Variants in CNTN4 observed in about 807,000 individuals in gnomAD.
CNTN4 encodes contactin 4.
A neutral mutation model predicts 122.5 loss-of-function variants in CNTN4; 77 were observed. The ratio of observed to expected loss-of-function variants is 0.63; its 90% confidence interval spans 0.52 to 0.76. The LOEUF is 0.76. Among genes scored for constraint, CNTN4 ranks in the 30% least tolerant of loss-of-function variants. The pLI is 0.00. For missense variants in CNTN4, 1,256 were observed against 1,259.1 expected, an observed-to-expected ratio of 1.00 and a Z score of 0.04; for synonymous variants, 512 against 447.0, an observed-to-expected ratio of 1.15 and a Z score of -1.83.
chr3:2,574,441 C>A (rs999300601), intron 4 of CNTN4, among the ~76,000 whole-genome samples: 1 of 152,060 alleles, frequency 6.6e-6, no homozygotes, highest in African/African-American at 2.4e-5. Context: ...TACAAGCAGG[C>A]TCATCCTGCA....
At chr3:2,218,182 G>A (rs2038924307) in intron 2 of CNTN4, among the ~76,000 whole-genome samples, 2 of 152,054 alleles carry the variant, frequency 1.3e-5, no homozygotes, top group East Asian at 3.9e-4. Flanking sequence ...TTTTTATGGT[G>A]GAGTCAAAGG....
At chr3:2,926,579 G>T (rs937860738) in intron 13 of CNTN4, among the ~76,000 whole-genome samples, 2 of 152,082 alleles carry the variant, frequency 1.3e-5, no homozygotes, top group Admixed American at 6.5e-5. Context: ...GACAGGATTT[G>T]CCAGCTGTAT....
At chr3:2,562,273 G>T (rs1247719973) in intron 3 of CNTN4, among the ~76,000 whole-genome samples, 4 of 152,092 alleles carry the variant, frequency 2.6e-5, no homozygotes, top group African/African-American at 4.8e-5. Flanking sequence ...GTGTGGGTTT[G>T]TTACATAGGT....
At chr3:3,012,682 G>A (rs970314789) in intron 14 of CNTN4, among the ~76,000 whole-genome samples, 2 of 152,004 alleles carry the variant, frequency 1.3e-5, no homozygotes, top group Admixed American at 1.3e-4. Flanking sequence ...TCAAAACTTT[G>A]CATTGGCTGG....
chr3:2,830,216 A>G (rs1166984511), intron 7 of CNTN4, among the ~76,000 whole-genome samples: 1 of 152,130 alleles, frequency 6.6e-6, no homozygotes, highest in Non-Finnish European at 1.5e-5. Flanking sequence ...TACTTTAATG[A>G]TAGGCACTAT....
At chr3:2,895,798 G>T (rs1442985356) in intron 10 of CNTN4, among the ~76,000 whole-genome samples, 1 of 152,218 alleles carries the variant, frequency 6.6e-6, no homozygotes, top group Non-Finnish European at 1.5e-5. Flanking sequence ...ACTTTGGGAG[G>T]CCGAGGCGGG....
At chr3:2,287,684 AGAAGAAGAG>A (rs1359388975) in intron 2 of CNTN4, among the ~76,000 whole-genome samples, 1,458 of 90,360 alleles carry the variant, frequency 0.016, 15 homozygotes, top group Middle Eastern at 0.022. Context: ...AAGAAGAAGA[AGAAGAAGAG>A]GAAGAAGAAG....
At chr3:2,257,126 A>G (rs1392125484) in intron 2 of CNTN4, among the ~76,000 whole-genome samples, 3 of 151,724 alleles carry the variant, frequency 2.0e-5, no homozygotes, top group African/African-American at 4.9e-5. Flanking sequence ...GGCCTCAGAA[A>G]TAATGCCTCA....
intron 4 of CNTN4, among the ~76,000 whole-genome samples, chr3:2,695,362 C>T (rs1474326281): frequency 6.6e-6 from 1 of 152,178 alleles, no homozygotes; most frequent in Non-Finnish European, 1.5e-5. Flanking sequence ...CAAGTAAACC[C>T]CTCTTATGCA....
intron 4 of CNTN4, among the ~76,000 whole-genome samples, chr3:2,615,220 C>G (rs2081664330): frequency 6.6e-6 from 1 of 152,146 alleles, no homozygotes; most frequent in South Asian, 2.1e-4. Context: ...GGCTCTGAAA[C>G]AAAGCAAGCA....
intron 3 of CNTN4, among the ~76,000 whole-genome samples, chr3:2,371,535 T>C (rs1156765539): frequency 2.0e-5 from 3 of 152,186 alleles, no homozygotes; most frequent in African/African-American, 4.8e-5. Context: ...CGTTCAAAGA[T>C]GTAACTCAAA....
intron 7 of CNTN4, among the ~76,000 whole-genome samples, chr3:2,849,452 A>G (rs2093510315): frequency 6.6e-6 from 1 of 152,204 alleles, no homozygotes; most frequent in South Asian, 2.1e-4. Context: ...TTTAAAGAAG[A>G]AGGGGAAAAC....
intron 8 of CNTN4, among the ~76,000 whole-genome samples, chr3:2,874,598 G>A (rs1282852676): frequency 6.6e-6 from 1 of 152,170 alleles, no homozygotes; most frequent in Admixed American, 6.5e-5. Flanking sequence ...AGAAGCAGGA[G>A]TGGGGCCATA....
intron 2 of CNTN4, among the ~76,000 whole-genome samples, chr3:2,233,443 G>A (rs541142280): frequency 2.0e-5 from 3 of 152,030 alleles, no homozygotes; most frequent in Admixed American, 2.0e-4. Flanking sequence ...TGCATTCTCC[G>A]TTAGGGCTAT....
chr3:2,436,774 T>C (rs1390829586), intron 3 of CNTN4, among the ~76,000 whole-genome samples: 1 of 147,690 alleles, frequency 6.8e-6, no homozygotes, highest in Non-Finnish European at 1.5e-5. Context: ...TTCAAATATA[T>C]ATGAAATATA....
chr3:2,499,217 T>G (rs1345824210), intron 3 of CNTN4, among the ~76,000 whole-genome samples: 1 of 152,204 alleles, frequency 6.6e-6, no homozygotes, highest in Non-Finnish European at 1.5e-5. Flanking sequence ...GAATTAATGC[T>G]TGTAGTGTGA....
intron 2 of CNTN4, among the ~76,000 whole-genome samples, chr3:2,115,962 G>A (rs1272961185): frequency 2.0e-5 from 3 of 152,128 alleles, no homozygotes; most frequent in Non-Finnish European, 2.9e-5. Flanking sequence ...TATTAACTTT[G>A]GGAACCATGA....
At chr3:2,506,765 G>GTA (rs2076741479) in intron 3 of CNTN4, among the ~76,000 whole-genome samples, 1 of 152,136 alleles carries the variant, frequency 6.6e-6, no homozygotes, top group Non-Finnish European at 1.5e-5. Context: ...AGTACATGGA[G>GTA]CTCACTTTGC....
chr3:2,497,027 G>A (rs1209193230), intron 3 of CNTN4, among the ~76,000 whole-genome samples: 1 of 152,094 alleles, frequency 6.6e-6, no homozygotes, highest in South Asian at 2.1e-4. Flanking sequence ...GGCTATCAAG[G>A]ACCCAGGTGA....
Sources: allele counts gnomAD v4.1 joint callset (sites outside exome capture counted in the v4.1 genomes callset), GRCh38; gene constraint gnomAD v4.1.1; transcripts MANE v1.5; gene names NCBI Gene and HGNC (gene_info 2026-07-23, HGNC 2026-07-21).